Variants in PAPPA2 observed in about 807,000 individuals in gnomAD.
PAPPA2 encodes pappalysin-2.
PAPPA2 carries 86 observed loss-of-function variants against 176.4 expected under a neutral mutation model. The observed-to-expected ratio is 0.49, with a 90% CI of 0.41 to 0.58. The LOEUF (loss-of-function observed/expected upper bound fraction) is 0.58, where lower values mean the gene tolerates loss of function less well. Among genes scored for constraint, PAPPA2 ranks in the 20% least tolerant of loss-of-function variants. The probability of loss-of-function intolerance (pLI) is 0.00; values close to 1 mark genes in which losing one functional copy is unlikely to be tolerated. For synonymous variants in PAPPA2, 809 were observed against 852.2 expected, an observed-to-expected ratio of 0.95 and a Z score of 0.88; for missense variants, 2,073 against 2,256.9, an observed-to-expected ratio of 0.92 and a Z score of 1.65.
intron 4 of PAPPA2, among the ~76,000 whole-genome samples, chr1:176,688,843 C>T (rs1050123209): frequency 1.3e-5 from 2 of 152,128 alleles, no homozygotes; most frequent in African/African-American, 4.8e-5. Context: ...TGTCTCCTGC[C>T]CATAAGGCTG....
rs188262430 is a variant in PAPPA2, at chr1:176,591,963, C to T, written c.920-2561C>T. On this transcript the variant is annotated intron_variant, in intron 2 of 22. Coordinates refer to ENST00000367662, the MANE Select transcript of PAPPA2 (RefSeq NM_020318.3). ...CTCTCAACTTCTGTCTTCTGCATTTCGTTCTACTAAGCTCAGTGAGGAATT... is the reference window on the plus strand; with the variant it reads ...CTCTCAACTTCTGTCTTCTGCATTTTGTTCTACTAAGCTCAGTGAGGAATT... 7.2e-5 allele frequency among the ~76,000 whole-genome samples: 11 copies of T among 152,284 alleles called. No homozygotes were observed. In the East Asian group the frequency reaches 9.6e-4, roughly 13 times the overall value.
At chr1:176,625,167 C>T in intron 3 of PAPPA2, among the ~76,000 whole-genome samples, 1 of 152,142 alleles carries the variant, frequency 6.6e-6, no homozygotes, top group East Asian at 1.9e-4. Context: ...TCACTCTGAC[C>T]CACTGGACAC....
chr1:176,742,666 G>T lies in PAPPA2; in HGVS notation c.4151+2470G>T, dbSNP rs539080759. 3.9e-5 allele frequency among the ~76,000 whole-genome samples: 6 copies of T among 152,230 alleles called. No individual in the cohort carries two copies. In the South Asian group the frequency reaches 1.0e-3, roughly 26 times the overall value. On this transcript the variant is annotated intron_variant, in intron 14 of 22. Coordinates refer to ENST00000367662, the MANE Select transcript of PAPPA2 (RefSeq NM_020318.3). Reference sequence around the variant, plus strand: ...GGTAAATCCCATATACTTTAATTGTGAATATAACTGAAACCTAAATCCCTA... The same window carrying T: ...GGTAAATCCCATATACTTTAATTGTTAATATAACTGAAACCTAAATCCCTA...
At chr1:176,750,630 A>G (rs1480210798) in intron 14 of PAPPA2, among the ~76,000 whole-genome samples, 2 of 151,708 alleles carry the variant, frequency 1.3e-5, no homozygotes, top group Non-Finnish European at 1.5e-5. Flanking sequence ...ACAAAGTGAC[A>G]ACAACAACAA....
chr1:176,651,437 A>T (rs537727039), intron 3 of PAPPA2, among the ~76,000 whole-genome samples: 1 of 151,738 alleles, frequency 6.6e-6, no homozygotes, highest in East Asian at 2.0e-4. Flanking sequence ...CAGCACTTTG[A>T]AAACGATGTC....
At chr1:176,633,513 A>G (rs1656475971) in intron 3 of PAPPA2, among the ~76,000 whole-genome samples, 1 of 152,160 alleles carries the variant, frequency 6.6e-6, no homozygotes, top group African/African-American at 2.4e-5. Flanking sequence ...ATACTTAATG[A>G]GTACCAAGAA....
At chr1:176,583,423 A>G (rs1371770704) in intron 2 of PAPPA2, among the ~76,000 whole-genome samples, 3 of 151,620 alleles carry the variant, frequency 2.0e-5, no homozygotes, top group Non-Finnish European at 4.4e-5. Context: ...TTGTGTTTCT[A>G]TTTTCATTTT....
At chr1:176,756,560 C>A (rs1426651862) in intron 14 of PAPPA2, among the ~76,000 whole-genome samples, 1 of 152,162 alleles carries the variant, frequency 6.6e-6, no homozygotes, top group Admixed American at 6.5e-5. Context: ...TTTGTTCTTT[C>A]TTTGGTATTC....
chr1:176,730,609 T>G (rs1044558285), intron 12 of PAPPA2, among the ~76,000 whole-genome samples: 32 of 151,660 alleles, frequency 2.1e-4, no homozygotes, highest in Non-Finnish European at 4.3e-4. Flanking sequence ...GTTTTTTTTT[T>G]GTATTTCGTT....
At chr1:176,562,383 G>T (rs1181343915) in intron 2 of PAPPA2, among the ~76,000 whole-genome samples, 1 of 152,164 alleles carries the variant, frequency 6.6e-6, no homozygotes, top group Non-Finnish European at 1.5e-5. Context: ...AATGTAAAAG[G>T]CAGGCCACGT....
chr1:176,692,334 G>A lies in PAPPA2; in HGVS notation c.2624+16G>A. The A allele has an allele frequency of 6.3e-7, 1 of 1,587,070 alleles. No individual in the cohort carries two copies. Among genetic ancestry groups the A allele is most frequent in the South Asian group, 1.1e-5 (1 of 89,404 alleles). On this transcript the variant is annotated intron_variant, in intron 6 of 22. Coordinates refer to ENST00000367662, the MANE Select transcript of PAPPA2 (RefSeq NM_020318.3). Reference sequence around the variant, plus strand: ...TATATGACAGGTGAGAGAGGCACTGGCTGTGGGTGAGCTGGCTTATTTCTC... The same window carrying A: ...TATATGACAGGTGAGAGAGGCACTGACTGTGGGTGAGCTGGCTTATTTCTC...
intron 3 of PAPPA2, among the ~76,000 whole-genome samples, chr1:176,623,629 TAC>T (rs1491190144): frequency 2.9e-4 from 30 of 103,306 alleles, no homozygotes; most frequent in Non-Finnish European, 5.0e-4. Flanking sequence ...CTTCCTTTTT[TAC>T]TTTCTTTCTT....
chr1:176,617,304 G>A (rs897529018), intron 3 of PAPPA2, among the ~76,000 whole-genome samples: 16 of 152,118 alleles, frequency 1.1e-4, no homozygotes, highest in Non-Finnish European at 2.1e-4. Context: ...TGACATAGGG[G>A]GTGGCAGGCG....
intron 1 of PAPPA2, among the ~76,000 whole-genome samples, chr1:176,554,541 T>G (rs75550228): frequency 6.6e-4 from 100 of 152,326 alleles, no homozygotes; most frequent in African/African-American, 2.1e-3. Context: ...CTGCATAGGT[T>G]AAAATTATGA....
intron 21 of PAPPA2, among the ~76,000 whole-genome samples, chr1:176,810,410 G>A (rs1666098129): frequency 6.6e-6 from 1 of 152,124 alleles, no homozygotes; most frequent in Admixed American, 6.5e-5. Flanking sequence ...GGTGGGGGGA[G>A]TTTCAGGATA....
intron 8 of PAPPA2, 130 bp downstream of exon 8, chr1:176,699,719 A>T: frequency 7.1e-7 from 1 of 1,412,514 alleles, no homozygotes; most frequent in Non-Finnish European, 9.5e-7. Flanking sequence ...AGGGGATTTT[A>T]CCGTAAAGTG....
At chr1:176,530,466 C>T (rs749189304) in intron 1 of PAPPA2, among the ~76,000 whole-genome samples, 1 of 152,182 alleles carries the variant, frequency 6.6e-6, no homozygotes, top group African/African-American at 2.4e-5. Context: ...CAGAAGTCAG[C>T]ATCCCATCCT....
chr1:176,768,986 A>T (rs749926146), intron 15 of PAPPA2, among the ~76,000 whole-genome samples: 2 of 152,200 alleles, frequency 1.3e-5, no homozygotes, highest in Non-Finnish European at 2.9e-5. Context: ...CCACTCATAA[A>T]TGTGCAGGCA....
intron 3 of PAPPA2, among the ~76,000 whole-genome samples, chr1:176,634,841 G>GATAGATAGATAC (rs1558486722): frequency 1.1e-4 from 13 of 115,914 alleles, no homozygotes; most frequent in Admixed American, 1.7e-4. Flanking sequence ...TAGATAGATA[G>GATAGATAGATAC]ATAGATACAT....
Sources: gnomAD v4.1 joint callset for allele counts (sites outside exome capture counted in the v4.1 genomes callset) on GRCh38, gnomAD v4.1.1 for gene constraint, MANE v1.5 for transcripts, NCBI Gene and HGNC (gene_info 2026-07-23, HGNC 2026-07-21) for gene names.